The following ZBTB7C variants were observed in gnomAD, a reference collection of about 807,000 sequenced individuals.
ZBTB7C encodes zinc finger and BTB domain-containing protein 7C.
Under a neutral mutation model 25.7 loss-of-function variants are expected in ZBTB7C, and 8 were observed. The ratio of observed to expected loss-of-function variants is 0.31; its 90% CI spans 0.18 to 0.56. The LOEUF is 0.56. Ranked by LOEUF, ZBTB7C falls within the 20% of genes least tolerant of loss-of-function variation. ZBTB7C has a pLI of 0.91. For missense variants in ZBTB7C, 824 were observed against 855.2 expected (o/e 0.96, Z 0.46); for synonymous variants, 394 against 369.0 (o/e 1.07, Z -0.78).
intron 2 of ZBTB7C, among the ~76,000 whole-genome samples, chr18:48,225,919 T>G (rs1163409334): frequency 6.6e-6 from 1 of 152,164 alleles, no homozygotes; most frequent in Admixed American, 6.5e-5. Flanking sequence ...ATTTTTGTAT[T>G]TTTAGTAGAG....
At chr18:48,400,398 TG>T (rs2145308529) in intron 1 of ZBTB7C, among the ~76,000 whole-genome samples, 1 of 152,308 alleles carries the variant, frequency 6.6e-6, no homozygotes, top group Admixed American at 6.5e-5. Flanking sequence ...ATGCTACAAA[TG>T]GGGAAACAGG....
intron 2 of ZBTB7C, among the ~76,000 whole-genome samples, chr18:48,251,384 T>C (rs918634873): frequency 6.6e-6 from 1 of 152,232 alleles, no homozygotes; most frequent in African/African-American, 2.4e-5. Context: ...ACACTTGTGA[T>C]GCAGGATCTA....
intron 1 of ZBTB7C, among the ~76,000 whole-genome samples, chr18:48,347,124 G>GTTTTT (rs1158209713): frequency 1.3e-3 from 106 of 80,478 alleles, no homozygotes; most frequent in East Asian, 3.1e-3. Flanking sequence ...GTTTTTGTTT[G>GTTTTT]TTTTTTTTTT....
chr18:48,137,784 C>A (rs1341080643), intron 3 of ZBTB7C, among the ~76,000 whole-genome samples: 1 of 152,246 alleles, frequency 6.6e-6, no homozygotes, highest in East Asian at 1.9e-4. Context: ...ATCACGCAGG[C>A]TGACTCAGAA....
At chr18:48,404,253 T>C (rs1355585100) in intron 1 of ZBTB7C, among the ~76,000 whole-genome samples, 1 of 142,662 alleles carries the variant, frequency 7.0e-6, no homozygotes. Context: ...AGACTCCATC[T>C]CAAAAAAAAA....
intron 2 of ZBTB7C, among the ~76,000 whole-genome samples, chr18:48,254,172 G>C (rs530303603): frequency 6.6e-6 from 1 of 152,314 alleles, no homozygotes; most frequent in African/African-American, 2.4e-5. Context: ...TTCTAATAAA[G>C]AGCAGCCTGT....
chr18:48,054,427 G>A (rs776668483), intron 3 of ZBTB7C, among the ~76,000 whole-genome samples: 2 of 152,158 alleles, frequency 1.3e-5, no homozygotes, highest in Non-Finnish European at 2.9e-5. Context: ...GCAGCTGTGG[G>A]AGGAAAGAGG....
intron 1 of ZBTB7C, among the ~76,000 whole-genome samples, chr18:48,384,075 G>T (rs1412642603): frequency 6.6e-6 from 1 of 152,216 alleles, no homozygotes; most frequent in East Asian, 1.9e-4. Context: ...CCAGTGGGAA[G>T]AAGTCAGGAG....
chr18:48,376,391 C>T (rs565559612), intron 1 of ZBTB7C, among the ~76,000 whole-genome samples: 2 of 151,782 alleles, frequency 1.3e-5, no homozygotes, highest in South Asian at 2.1e-4. Context: ...AGAAGCAGAT[C>T]GTTTGAAAAA....
rs142846107 is a variant in ZBTB7C at position 48,398,413 on chromosome 18, A to T, written c.-304+10813T>A. Among the ~76,000 whole-genome samples, 914 of 152,266 alleles carry T rather than the reference A, an allele frequency of 6.0e-3. 12 individuals are homozygous for T. The highest frequency in any genetic ancestry group is 0.021 in the African/African-American group (862 of 41,564). On this transcript the variant is annotated intron_variant, in intron 1 of 4. Transcript: ENST00000590800. ...ACCCTGCATATGGGCAGTGACCTTG[A>T]GGTAGCCAAGTGAGACCAAGGACAT...
intron 3 of ZBTB7C, among the ~76,000 whole-genome samples, chr18:48,170,274 C>T (rs1190107055): frequency 6.6e-6 from 1 of 152,256 alleles, no homozygotes; most frequent in Non-Finnish European, 1.5e-5. Context: ...AAGAAGCCCT[C>T]TACCCACACC....
intron 1 of ZBTB7C, among the ~76,000 whole-genome samples, chr18:48,384,181 G>A (rs1014973543): frequency 2.0e-5 from 3 of 152,238 alleles, no homozygotes; most frequent in African/African-American, 4.8e-5. Flanking sequence ...CTTGAGCAAC[G>A]GTCAGCTTTG....
intron 3 of ZBTB7C, among the ~76,000 whole-genome samples, chr18:48,136,383 G>T (rs1180992362): frequency 2.0e-5 from 3 of 152,180 alleles, no homozygotes; most frequent in Non-Finnish European, 4.4e-5. Flanking sequence ...AGCTCAGCGC[G>T]CGATTTGAGC....
At chr18:48,324,107 G>A (rs1418041513) in intron 2 of ZBTB7C, among the ~76,000 whole-genome samples, 2 of 152,134 alleles carry the variant, frequency 1.3e-5, no homozygotes, top group African/African-American at 4.8e-5. Flanking sequence ...CTTGATCTTG[G>A]ACCTCCCAGC....
intron 3 of ZBTB7C, among the ~76,000 whole-genome samples, chr18:48,110,141 T>C (rs569992589): frequency 6.6e-6 from 1 of 152,396 alleles, no homozygotes; most frequent in African/African-American, 2.4e-5. Context: ...CATCACCCAT[T>C]GTGCCCAGAC....
intron 3 of ZBTB7C, among the ~76,000 whole-genome samples, chr18:48,061,169 C>G (rs2037112780): frequency 6.6e-6 from 1 of 152,116 alleles, no homozygotes; most frequent in African/African-American, 2.4e-5. Context: ...ATCATGAAAA[C>G]TGAAAGGAAA....
intron 3 of ZBTB7C, chr18:48,162,475 T>G (rs982243604): frequency 4.3e-5 from 19 of 443,870 alleles, no homozygotes; most frequent in Admixed American, 1.2e-4. Flanking sequence ...AGGGACTTCA[T>G]AGACAGTTGT....
chr18:48,143,479 T>G (rs531419873), intron 3 of ZBTB7C, among the ~76,000 whole-genome samples: 1 of 152,278 alleles, frequency 6.6e-6, no homozygotes, highest in South Asian at 2.1e-4. Context: ...CCACTTACTG[T>G]GTGCAAGCCA....
chr18:48,245,538 T>A (rs192011617), intron 2 of ZBTB7C, among the ~76,000 whole-genome samples: 98 of 139,670 alleles, frequency 7.0e-4, no homozygotes, highest in African/African-American at 2.6e-3. Flanking sequence ...GTATATACGC[T>A]CAAGAGTAAA....
Sources: gnomAD v4.1 joint callset for allele counts (sites outside exome capture counted in the v4.1 genomes callset) on GRCh38, gnomAD v4.1.1 for gene constraint, MANE v1.5 for transcripts, NCBI Gene and HGNC (gene_info 2026-07-23, HGNC 2026-07-21) for gene names.